Variants in SEMA4G observed in about 807,000 individuals in gnomAD.
The protein encoded by SEMA4G is semaphorin 4G.
A neutral mutation model predicts 81.2 loss-of-function variants in SEMA4G; 59 were observed. That is an observed-to-expected ratio of 0.73 (90% CI 0.59 to 0.90). The LOEUF (loss-of-function observed/expected upper bound fraction) is 0.90, where lower values mean the gene tolerates loss of function less well. SEMA4G is among the 40% of genes least tolerant of loss of function. The pLI, the probability that SEMA4G is intolerant of heterozygous loss-of-function variation, is 0.00. For synonymous variants in SEMA4G, 404 were observed against 433.9 expected (o/e 0.93, Z 0.86); for missense variants, 952 against 1,102.3 (o/e 0.86, Z 1.93).
chr10:100,984,565 C>T, exon 14 of SEMA4G: 1 of 1,536,200 alleles, frequency 6.5e-7, no homozygotes. Flanking sequence ...GGTCCTGAAA[C>T]CAGACAAGAC....
At chr10:100,979,074 C>T (rs780999876) in intron 7 of SEMA4G, 28 bp from the exon 9 acceptor site, 10 of 1,613,328 alleles carry the variant, frequency 6.2e-6, no homozygotes, top group Middle Eastern at 3.3e-4. Context: ...TGACCCTGGC[C>T]CCTTATCCCG....
chr10:100,980,338 G>C, exon 10 of SEMA4G: 2 of 1,613,802 alleles, frequency 1.2e-6, no homozygotes, highest in Non-Finnish European at 1.7e-6. Flanking sequence ...GCTCTTTCTG[G>C]GCACAGGTGC....
chr10:100,984,431 G>A, exon 14 of SEMA4G: 2 of 1,491,796 alleles, frequency 1.3e-6, no homozygotes, highest in South Asian at 1.3e-5. Flanking sequence ...AACACTTATA[G>A]GTGAGGACTC....
intron 3 of SEMA4G, among the ~76,000 whole-genome samples, chr10:100,977,130 A>G (rs1005603222): frequency 7.2e-5 from 11 of 152,170 alleles, no homozygotes; most frequent in Non-Finnish European, 1.3e-4. Flanking sequence ...CAGGTTTAGG[A>G]AAGATGTAGG....
chr10:100,972,994 A>G (rs1850676178), exon 1 of SEMA4G: 3 of 1,613,994 alleles, frequency 1.9e-6, no homozygotes, highest in African/African-American at 1.3e-5. Context: ...GAGACCGTCT[A>G]GAGAACTAGA....
chr10:100,978,313 T>C, exon 5 of SEMA4G: 1 of 1,613,428 alleles, frequency 6.2e-7, no homozygotes, highest in South Asian at 1.1e-5. Context: ...GGCCTTCACC[T>C]TGCCAACCAG....
At chr10:100,982,112 G>C (rs1851114847) in intron 13 of SEMA4G, among the ~76,000 whole-genome samples, 1 of 151,030 alleles carries the variant, frequency 6.6e-6, no homozygotes, top group African/African-American at 2.4e-5. Context: ...ACCCCAAGCA[G>C]TCTGATTTGA....
intron 13 of SEMA4G, among the ~76,000 whole-genome samples, chr10:100,981,795 C>A (rs1481025006): frequency 6.6e-6 from 1 of 152,124 alleles, no homozygotes; most frequent in Non-Finnish European, 1.5e-5. Context: ...CAGTGGCTCA[C>A]GCCTGTAATC....
exon 12 of SEMA4G, chr10:100,980,886 A>C: frequency 6.2e-7 from 1 of 1,610,760 alleles, no homozygotes; most frequent in South Asian, 1.1e-5. Context: ...TGCTCCCGCT[A>C]CCGATCCTGC....
At chr10:100,976,773 C>T (rs1474310451) in intron 3 of SEMA4G, among the ~76,000 whole-genome samples, 1 of 152,220 alleles carries the variant, frequency 6.6e-6, no homozygotes, top group Non-Finnish European at 1.5e-5. Context: ...AAATGGGAGA[C>T]TCCCTGTTTA....
chr10:100,978,233 A>T, intron 4 of SEMA4G, 62 bp from the exon 6 acceptor site: 1 of 1,266,856 alleles, frequency 7.9e-7, no homozygotes, highest in African/African-American at 1.5e-5. Context: ...GACTGATCTG[A>T]CTTTGAGCCA....
Position 100,983,998 on chromosome 10 carries a change from G to A in SEMA4G, c.2384G>A (p.Ser795Asn), listed in dbSNP as rs756701345. 7 of 1,610,302 alleles carry A rather than the reference G, an allele frequency of 4.3e-6. No individual in the cohort carries two copies. The Admixed American group carries it at 1.2e-4, about 27-fold the overall frequency. The change falls in exon 14 of 14, where the codon AGC (serine) becomes AAC (asparagine). Residue 795 changes from serine (S) to asparagine (N), a missense_variant. This residue lies in a region of SEMA4G where 385 missense variants were observed against 413.5 expected (regional missense o/e 0.93). Coordinates refer to ENST00000370250, the Ensembl canonical transcript of SEMA4G. ...CGGCTGCGGAGGATGAATGGCAATAGCTATGTGCTTCTGAGGCAGAGCAAC... is the reference window on the plus strand; with the variant it reads ...CGGCTGCGGAGGATGAATGGCAATAACTATGTGCTTCTGAGGCAGAGCAAC...
upstream of SEMA4G, among the ~76,000 whole-genome samples, chr10:100,971,439 T>C (rs1850628496): frequency 6.6e-6 from 1 of 152,218 alleles, no homozygotes; most frequent in South Asian, 2.1e-4. Flanking sequence ...CCTTTCATAT[T>C]TGACTCTACC....
chr10:100,973,049 A>G lies in SEMA4G; in HGVS notation c.124+13A>G. 6.2e-7 allele frequency: 1 copy of G among 1,614,022 alleles called. No individual in the cohort carries two copies. The highest frequency in any genetic ancestry group is 1.1e-5 in the South Asian group (1 of 91,074). On this transcript the variant is annotated intron_variant, in intron 1 of 13. Transcript: ENST00000370250. The surrounding 1 kb of genome is among the most constrained non-coding windows in gnomAD (Gnocchi z 5.5). ...ATACCCTATGAAGGTTAGACCCTCA[A>G]CCTCAAAAGGCAGCAGAAGCCAGGG...
chr10:100,970,572 T>A (rs191011778), upstream of SEMA4G, among the ~76,000 whole-genome samples: 1 of 147,246 alleles, frequency 6.8e-6, no homozygotes, highest in Non-Finnish European at 1.5e-5. Context: ...CACAACCCCC[T>A]CACCACCCCC....
At chr10:100,975,010 T>C (rs757887469) in intron 3 of SEMA4G, 3 of 534,042 alleles carry the variant, frequency 5.6e-6, no homozygotes, top group South Asian at 4.2e-5. Flanking sequence ...AGGGGTGGTG[T>C]TGGGACAGCT....
intron 6 of SEMA4G, 37 bp downstream of exon 7, chr10:100,978,677 G>C: frequency 6.3e-7 from 1 of 1,591,894 alleles, no homozygotes; most frequent in East Asian, 2.2e-5. Flanking sequence ...GGGGGGTAGG[G>C]GACTATTTCT....
chr10:100,980,202 G>C, exon 10 of SEMA4G: 2 of 1,614,234 alleles, frequency 1.2e-6, no homozygotes, highest in East Asian at 4.5e-5. Context: ...TTGTAAAGTT[G>C]CACCCACTGA....
upstream of SEMA4G, among the ~76,000 whole-genome samples, chr10:100,970,437 G>C (rs1850598378): frequency 6.6e-6 from 1 of 152,032 alleles, no homozygotes; most frequent in Non-Finnish European, 1.5e-5. Context: ...GCTGAAGCTA[G>C]GGGCCTCCTC....
Sources: gnomAD v4.1 joint callset for allele counts (sites outside exome capture counted in the v4.1 genomes callset) on GRCh38, gnomAD v4.1.1 for gene constraint, gnomAD v4.1.1 regional missense constraint, Gnocchi (gnomAD v3.1) non-coding constraint, MANE v1.5 for transcripts, NCBI Gene and HGNC (gene_info 2026-07-23, HGNC 2026-07-21) for gene names.